Variants in DPYSL2 observed in about 807,000 individuals in gnomAD.
DPYSL2 encodes dihydropyrimidinase like 2.
DPYSL2 carries 13 observed loss-of-function variants against 69.9 expected under a neutral mutation model. The observed-to-expected ratio is 0.19, with a 90% CI of 0.12 to 0.30. DPYSL2 has a LOEUF of 0.30. DPYSL2 is among the 10% of genes least tolerant of loss of function. The probability of loss-of-function intolerance (pLI) is 1.00; values close to 1 mark genes in which losing one functional copy is unlikely to be tolerated. For missense variants in DPYSL2, 587 were observed against 918.9 expected (o/e 0.64, Z 4.67); for synonymous variants, 326 against 359.1 (o/e 0.91, Z 1.04).
chr8:26,519,658 T>C (rs776739768), intron 1 of DPYSL2, among the ~76,000 whole-genome samples: 1 of 152,176 alleles, frequency 6.6e-6, no homozygotes, highest in Admixed American at 6.5e-5. Flanking sequence ...TTAGTAAGTA[T>C]GTAAACTAGG....
Position 26,517,733 on chromosome 8 carries a change from A to G in DPYSL2, c.354+3054A>G, listed in dbSNP as rs1192495189. 1.3e-5 allele frequency among the ~76,000 whole-genome samples: 2 copies of G among 152,170 alleles called. No individual in the cohort carries two copies. Among genetic ancestry groups the G allele is most frequent in the Non-Finnish European group, 2.9e-5 (2 of 68,034 alleles). On this transcript the variant is annotated intron_variant, in intron 1 of 13. Transcript: ENST00000521913. The surrounding 1 kb of genome is among the most constrained non-coding windows in gnomAD (Gnocchi z 4.2). ...CCCTTTTCCCAGCAGCAAACAACCT[A>G]TGCAGGCTGGAGTGACAGGGAGTGA...
In DPYSL2 at chr8:26,643,129, G is replaced by C; in HGVS notation, c.1127-310G>C. On this transcript the variant is annotated intron_variant, in intron 8 of 13. Coordinates refer to ENST00000521913, the MANE Select transcript of DPYSL2 (RefSeq NM_001197293.3). The surrounding 1 kb of genome is among the most constrained non-coding windows in gnomAD (Gnocchi z 6.5). ...GGATGCCTGGACACCATCCGAGCAG[G>C]AGATTAATGGAATTGAAAATCAGCA... 1 of 289,764 alleles carries C rather than the reference G, an allele frequency of 3.5e-6. No homozygotes were observed. Among genetic ancestry groups the C allele is most frequent in the South Asian group, 8.0e-5 (1 of 12,506 alleles). 17.9% of individuals were successfully genotyped at this position (289,764 alleles called of 1,614,324 possible).
Position 26,533,317 on chromosome 8 carries a change from G to A in DPYSL2, c.354+18638G>A, listed in dbSNP as rs1282566315. ...ATTTTTTTCTCCTGCTCTGTGGATT[G>A]TTTTTCACTTTCCTGATAGTGTCCT... On this transcript the variant is annotated intron_variant, in intron 1 of 13. Coordinates refer to ENST00000521913, the MANE Select transcript of DPYSL2 (RefSeq NM_001197293.3). The surrounding 1 kb of genome is among the most constrained non-coding windows in gnomAD (Gnocchi z 4.8). 6.6e-6 allele frequency among the ~76,000 whole-genome samples: 1 copy of A among 152,096 alleles called. No individual in the cohort carries two copies. The highest frequency in any genetic ancestry group is 1.5e-5 in the Non-Finnish European group (1 of 68,002).
At chr8:26,602,402 C>T (rs1484067680) in intron 3 of DPYSL2, among the ~76,000 whole-genome samples, 2 of 151,876 alleles carry the variant, frequency 1.3e-5, no homozygotes, top group African/African-American at 2.4e-5. Flanking sequence ...TGACTTTGTC[C>T]TTGCTTTTGG....
chr8:26,587,471 C>T lies in DPYSL2; in HGVS notation c.628+3488C>T, dbSNP rs1050985505. Among the ~76,000 whole-genome samples, 7 of 152,288 alleles carry T rather than the reference C, an allele frequency of 4.6e-5. No homozygotes were observed. Among genetic ancestry groups the T allele is most frequent in the Admixed American group, 1.3e-4 (2 of 15,294 alleles). On this transcript the variant is annotated intron_variant, in intron 3 of 13. Transcript: ENST00000521913. This position sits in a 1 kb window ranked among gnomAD's most constrained non-coding sequence, Gnocchi z 4.2. ...CTCGCCTGCCTCCCTGCTGGCTCTG[C>T]GTTTCCCAGGTCACAGGCCCTGGAG...
At position 26,580,365 on chromosome 8, in the gene DPYSL2, C is replaced by T. The variant is rs1275657001; in HGVS notation, c.355-1604C>T. ...GTGTCATGGGAATAGAACCTGGCCT[C>T]ATCTACCTCACAGATTTCTTTCGAG... On this transcript the variant is annotated intron_variant, in intron 1 of 13. Coordinates refer to ENST00000521913, the MANE Select transcript of DPYSL2 (RefSeq NM_001197293.3). This position sits in a 1 kb window ranked among gnomAD's most constrained non-coding sequence, Gnocchi z 4.1. 2.0e-5 allele frequency among the ~76,000 whole-genome samples: 3 copies of T among 152,214 alleles called. No homozygotes were observed. Among genetic ancestry groups the T allele is most frequent in the Admixed American group, 1.3e-4 (2 of 15,286 alleles).
intron 1 of DPYSL2, among the ~76,000 whole-genome samples, chr8:26,529,873 G>A (rs1190629186): frequency 1.3e-5 from 2 of 151,600 alleles, no homozygotes; most frequent in Non-Finnish European, 2.9e-5. Context: ...CACTTTGGGA[G>A]GCAGAGGTGA....
intron 1 of DPYSL2, among the ~76,000 whole-genome samples, chr8:26,572,011 C>T (rs1029854209): frequency 1.3e-5 from 2 of 152,182 alleles, no homozygotes; most frequent in East Asian, 3.8e-4. Context: ...TCTTTACTGC[C>T]GCATTCATTT....
chr8:26,563,710 G>A (rs1264081999), intron 1 of DPYSL2, among the ~76,000 whole-genome samples: 3 of 152,126 alleles, frequency 2.0e-5, no homozygotes. Context: ...GTTATCCTTT[G>A]TATTTGTTTC....
chr8:26,550,822 G>A (rs1164055242), intron 1 of DPYSL2, among the ~76,000 whole-genome samples: 1 of 152,174 alleles, frequency 6.6e-6, no homozygotes, highest in Non-Finnish European at 1.5e-5. Flanking sequence ...TAACTCTCAG[G>A]CTGAACCAAA....
chr8:26,555,787 T>A (rs1010618896), intron 1 of DPYSL2, among the ~76,000 whole-genome samples: 1 of 150,088 alleles, frequency 6.7e-6, no homozygotes, highest in Non-Finnish European at 1.5e-5. Flanking sequence ...CAAGGGAGGA[T>A]GAGTTGGAAA....
Position 26,514,585 on chromosome 8 carries a change from G to A in DPYSL2, c.260G>A (p.Arg87Gln), listed in dbSNP as rs1325887157. ...CAGCCGCCGTACTCGCGGCAGGGCCGGCGCGCCGGCGGAGAGCCATCTGTT... is the reference window on the plus strand; with the variant it reads ...CAGCCGCCGTACTCGCGGCAGGGCCAGCGCGCCGGCGGAGAGCCATCTGTT... ...DPQPPYSRQG[R>Q]RAGGEPSVES... Residue 87 changes from arginine to glutamine, a missense_variant, in exon 1 of 14, where the codon CGG becomes CAG. By Grantham distance (43) the Arg-to-Gln change is conservative (BLOSUM62 1). Coordinates refer to ENST00000521913, the MANE Select transcript of DPYSL2 (RefSeq NM_001197293.3). This position sits in a 1 kb window ranked among gnomAD's most constrained non-coding sequence, Gnocchi z 8.4. The A allele has an allele frequency of 1.3e-5, 20 of 1,515,816 alleles. No homozygotes were observed. The highest frequency in any genetic ancestry group is 4.2e-5 in the Admixed American group (2 of 47,878). The allele number at this position is 1,515,816 out of a possible 1,614,324, so 93.9% of individuals were successfully genotyped here.
rs752913355 is a variant in DPYSL2 at position 26,647,740 on chromosome 8, C to T, written c.1536C>T (p.Ala512=). The T allele has an allele frequency of 5.5e-5, 89 of 1,613,942 alleles. No individual in the cohort carries two copies. Among genetic ancestry groups the T allele is most frequent in the East Asian group, 4.2e-4 (19 of 44,890 alleles). ...RKGRIAVGSD[A]DLVIWDPDSV... ...GCCGCATTGCTGTGGGATCCGATGCCGACCTGGTCATCTGGGACCCCGACA... is the reference window on the plus strand; with the variant it reads ...GCCGCATTGCTGTGGGATCCGATGCTGACCTGGTCATCTGGGACCCCGACA... Residue 512 remains alanine (A), a synonymous_variant, in exon 11 of 14, where the codon GCC becomes GCT. Coordinates refer to ENST00000521913, the MANE Select transcript of DPYSL2 (RefSeq NM_001197293.3). The surrounding 1 kb of genome is among the most constrained non-coding windows in gnomAD (Gnocchi z 5.1).
At chr8:26,548,203 G>T in intron 1 of DPYSL2, 1 of 238,118 alleles carries the variant, frequency 4.2e-6, no homozygotes. Context: ...ACATGGAGAT[G>T]CTGTGGCCAA....
intron 1 of DPYSL2, among the ~76,000 whole-genome samples, chr8:26,570,075 G>A (rs1308005236): frequency 3.3e-5 from 5 of 152,160 alleles, no homozygotes; most frequent in Admixed American, 1.3e-4. Context: ...AAGATCACAC[G>A]CAGCAGACTT....
At chr8:26,636,805 A>G (rs981048785) in intron 8 of DPYSL2, among the ~76,000 whole-genome samples, 1 of 152,028 alleles carries the variant, frequency 6.6e-6, no homozygotes, top group Non-Finnish European at 1.5e-5. Context: ...CAGTGGTGCC[A>G]TCTCAGCTCA....
At chr8:26,629,345 TACAGAC>T (rs909439932) in intron 7 of DPYSL2, among the ~76,000 whole-genome samples, 12 of 123,310 alleles carry the variant, frequency 9.7e-5, no homozygotes, top group African/African-American at 3.0e-4. Context: ...CACAGACACA[TACAGAC>T]ACAGACACAG....
rs77405368 is a variant in DPYSL2 at position 26,576,546 on chromosome 8, T to C, written c.355-5423T>C. Among the ~76,000 whole-genome samples the C allele has an allele frequency of 4.7e-4, 71 of 152,294 alleles. No individual in the cohort carries two copies. The East Asian group carries it at 9.3e-3, about 20-fold the overall frequency. On this transcript the variant is annotated intron_variant, in intron 1 of 13. Transcript: ENST00000521913. ...AGGATCAACTGGATCAGCGTTTTTCTTTCCCACGGACCCTGAAGTTAGAGC... is the reference window on the plus strand; with the variant it reads ...AGGATCAACTGGATCAGCGTTTTTCCTTCCCACGGACCCTGAAGTTAGAGC...
chr8:26,522,350 T>G (rs1464422636), intron 1 of DPYSL2, among the ~76,000 whole-genome samples: 2 of 152,070 alleles, frequency 1.3e-5, no homozygotes, highest in African/African-American at 4.8e-5. Flanking sequence ...TGTTTTCAGT[T>G]TTCTTGTGTT....
Sources: allele counts gnomAD v4.1 joint callset (sites outside exome capture counted in the v4.1 genomes callset), GRCh38; gene constraint gnomAD v4.1.1; non-coding constraint Gnocchi (gnomAD v3.1); transcripts MANE v1.5; gene names NCBI Gene and HGNC (gene_info 2026-07-23, HGNC 2026-07-21).